The following SMOC1 variants were observed in gnomAD, a reference collection of about 807,000 sequenced individuals.
The protein encoded by SMOC1 is SPARC related modular calcium binding 1.
A neutral mutation model predicts 56.3 loss-of-function variants in SMOC1; 22 were observed. That is an observed-to-expected ratio of 0.39 (90% CI 0.28 to 0.56). The LOEUF (loss-of-function observed/expected upper bound fraction) is 0.56, where lower values mean the gene tolerates loss of function less well. SMOC1 is among the 20% of genes least tolerant of loss of function. The pLI is 0.61. For synonymous variants in SMOC1, 193 were observed against 215.0 expected (o/e 0.90, Z 0.89); for missense variants, 509 against 565.4 (o/e 0.90, Z 1.01).
rs546109452 is a variant in SMOC1, at chr14:69,982,561, C to A, written c.526+4596C>A. ...GGACTGGGTGGCCCCCCAGCCTCAG[C>A]CCTCATAAGGTGTTAACACACCTGA... On this transcript the variant is annotated intron_variant, in intron 5 of 11. Coordinates refer to ENST00000361956, the MANE Select transcript of SMOC1 (RefSeq NM_001034852.3). Among the ~76,000 whole-genome samples, 356 of 152,322 alleles carry A rather than the reference C, an allele frequency of 2.3e-3. 1 individual carries two copies. Among genetic ancestry groups the A allele is most frequent in the Non-Finnish European group, 4.4e-3 (298 of 68,032 alleles).
Position 70,023,444 on chromosome 14 carries a change from G to A in SMOC1, c.1288G>A (p.Glu430Lys). 1 of 1,613,896 alleles carries A rather than the reference G, an allele frequency of 6.2e-7. No homozygotes were observed. The highest frequency in any genetic ancestry group is 2.2e-5 in the East Asian group (1 of 44,884). ...GAAGGGCTGCCTGGGTGTTAGCAAA[G>A]AAGGTGAGTGCTCTCCCCTGTGCTC... The part of the protein sequence containing the change: ...ELKGCLGVSK[E>K]VGRLV Residue 430 changes from glutamate to lysine, a missense_variant, in exon 11 of 12, where the codon GAA becomes AAA. By Grantham distance (56) the Glu-to-Lys change is moderately conservative. Transcript: ENST00000361956.
intron 6 of SMOC1, among the ~76,000 whole-genome samples, chr14:69,993,076 A>G (rs544470932): frequency 3.3e-5 from 5 of 152,334 alleles, no homozygotes; most frequent in African/African-American, 1.2e-4. Flanking sequence ...TGAGTGTTCC[A>G]GGCAGGGTGC....
intron 1 of SMOC1, among the ~76,000 whole-genome samples, chr14:69,928,779 A>G (rs922317108): frequency 6.6e-6 from 1 of 152,198 alleles, no homozygotes; most frequent in Non-Finnish European, 1.5e-5. Flanking sequence ...AGTTATTAAT[A>G]TTATATATCT....
chr14:69,975,064 C>T (rs576189259), intron 3 of SMOC1, among the ~76,000 whole-genome samples: 60 of 152,300 alleles, frequency 3.9e-4, no homozygotes, highest in African/African-American at 1.4e-3. Context: ...GAATTTTTGA[C>T]TGGGTGCGGT....
chr14:69,938,657 G>C (rs770193567), intron 1 of SMOC1, among the ~76,000 whole-genome samples: 12 of 152,104 alleles, frequency 7.9e-5, no homozygotes, highest in Non-Finnish European at 1.5e-4. Context: ...GCTCATTGAA[G>C]GAGGGACAAG....
intron 1 of SMOC1, among the ~76,000 whole-genome samples, chr14:69,904,144 C>T (rs1884344834): frequency 6.6e-6 from 1 of 152,170 alleles, no homozygotes; most frequent in South Asian, 2.1e-4. Flanking sequence ...GGGGGTGGCT[C>T]ATTATACATT....
At chr14:69,909,639 G>C (rs1884503532) in intron 1 of SMOC1, among the ~76,000 whole-genome samples, 1 of 152,202 alleles carries the variant, frequency 6.6e-6, no homozygotes, top group South Asian at 2.1e-4. Context: ...TTTTTGTAAA[G>C]AGCTATTTTC....
At chr14:69,949,992 G>A (rs1241253314) in intron 1 of SMOC1, among the ~76,000 whole-genome samples, 1 of 152,186 alleles carries the variant, frequency 6.6e-6, no homozygotes, top group Non-Finnish European at 1.5e-5. Flanking sequence ...GGGCTTCTCT[G>A]GAGATGATGA....
rs1291792043 is a variant in SMOC1 at position 70,030,270 on chromosome 14, C to A, written c.*12C>A. The A allele has an allele frequency of 1.2e-6, 2 of 1,604,106 alleles. No individual in the cohort carries two copies. The highest frequency in any genetic ancestry group is 1.4e-5 in the African/African-American group (1 of 72,748). ...GACGCCTCGTCTAAGGAGCAGAAAACCCAAGGGCAGGTGGAGAGTCCAGGG... is the reference window on the plus strand; with the variant it reads ...GACGCCTCGTCTAAGGAGCAGAAAAACCAAGGGCAGGTGGAGAGTCCAGGG... On this transcript the variant is annotated 3_prime_UTR_variant, in exon 12 of 12. Transcript: ENST00000361956.
At chr14:69,985,459 G>C (rs1884332241) in intron 5 of SMOC1, among the ~76,000 whole-genome samples, 2 of 151,996 alleles carry the variant, frequency 1.3e-5, no homozygotes, top group Admixed American at 1.3e-4. Flanking sequence ...CGAACAAGAA[G>C]CAGCTTTATC....
chr14:70,020,017 C>T (rs1027928595), intron 10 of SMOC1, among the ~76,000 whole-genome samples: 10 of 151,952 alleles, frequency 6.6e-5, no homozygotes, highest in African/African-American at 1.9e-4. Flanking sequence ...GAAACTATCC[C>T]CAAACCCTTC....
At chr14:69,895,806 T>G (rs1266717028) in intron 1 of SMOC1, among the ~76,000 whole-genome samples, 2 of 152,032 alleles carry the variant, frequency 1.3e-5, no homozygotes, top group Admixed American at 6.5e-5. Context: ...GCTCACAGCC[T>G]TGGTCCCAAT....
chr14:69,947,346 T>G (rs1431054440), intron 1 of SMOC1, among the ~76,000 whole-genome samples: 5 of 151,972 alleles, frequency 3.3e-5, no homozygotes, highest in Non-Finnish European at 7.4e-5. Context: ...ATTTTAAAAT[T>G]TTTTGTAGAG....
intron 1 of SMOC1, among the ~76,000 whole-genome samples, chr14:69,886,572 G>A (rs1483723222): frequency 6.6e-6 from 1 of 152,164 alleles, no homozygotes; most frequent in Non-Finnish European, 1.5e-5. Context: ...GACTCAACAT[G>A]CGAATTTGAA....
chr14:69,879,786 G>A lies in SMOC1; in HGVS notation c.99+9G>A. 6.3e-7 allele frequency: 1 copy of A among 1,580,586 alleles called. No individual in the cohort carries two copies. The highest frequency in any genetic ancestry group is 1.1e-5 in the South Asian group (1 of 87,686). On this transcript the variant is annotated intron_variant, in intron 1 of 11. Coordinates refer to ENST00000361956, the MANE Select transcript of SMOC1 (RefSeq NM_001034852.3). ...GCACCACAGGCCCCAGGGTAAGTGC[G>A]CCCCCAGCTTTGCGCCCACCTGCGG...
At chr14:69,935,526 C>A (rs1384492797) in intron 1 of SMOC1, among the ~76,000 whole-genome samples, 1 of 152,212 alleles carries the variant, frequency 6.6e-6, no homozygotes, top group Admixed American at 6.5e-5. Flanking sequence ...CCTCCCGAGC[C>A]CCTCTTCCAG....
chr14:69,885,572 A>G (rs1015468468), intron 1 of SMOC1: 1 of 1,590,650 alleles, frequency 6.3e-7, no homozygotes, highest in Non-Finnish European at 8.6e-7. Context: ...TAGACGTCCC[A>G]GTCTTGCCTT....
chr14:69,906,322 G>T (rs1884406533), intron 1 of SMOC1, among the ~76,000 whole-genome samples: 1 of 152,174 alleles, frequency 6.6e-6, no homozygotes, highest in South Asian at 2.1e-4. Context: ...TTGGAGCCCT[G>T]AGCCACTATG....
intron 1 of SMOC1, among the ~76,000 whole-genome samples, chr14:69,919,965 T>G (rs1200532035): frequency 4.9e-5 from 7 of 142,438 alleles, no homozygotes; most frequent in Non-Finnish European, 1.1e-4. Flanking sequence ...ACATTGCATC[T>G]TAACATGGAG....
Sources: gnomAD v4.1 joint callset for allele counts (sites outside exome capture counted in the v4.1 genomes callset) on GRCh38, gnomAD v4.1.1 for gene constraint, MANE v1.5 for transcripts, NCBI Gene and HGNC (gene_info 2026-07-23, HGNC 2026-07-21) for gene names.